The following SAMSN1 variants were observed in gnomAD, a reference collection of about 807,000 sequenced individuals.
SAMSN1 encodes the protein SAM domain, SH3 domain and nuclear localization signals 1.
Under a neutral mutation model 42.0 loss-of-function variants are expected in SAMSN1, and 31 were observed. The ratio of observed to expected loss-of-function variants is 0.74; its 90% CI spans 0.55 to 1.00. The LOEUF (loss-of-function observed/expected upper bound fraction) is 1.00. SAMSN1 is among the 50% of genes least tolerant of loss of function. The probability of loss-of-function intolerance (pLI) is 0.00; values close to 1 mark genes in which losing one functional copy is unlikely to be tolerated. For missense variants in SAMSN1, 464 were observed against 439.4 expected, an observed-to-expected ratio of 1.06 and a Z score of -0.50; for synonymous variants, 178 against 151.9, an observed-to-expected ratio of 1.17 and a Z score of -1.26.
chr21:14,637,465 A>C (rs1209442374), intron 2 of SAMSN1, among the ~76,000 whole-genome samples: 2 of 152,218 alleles, frequency 1.3e-5, no homozygotes, highest in Non-Finnish European at 2.9e-5. Context: ...TAGAATAACT[A>C]AAATGTGTGA....
intron 6 of SAMSN1, 123 bp from the exon 7 acceptor site, chr21:14,498,715 T>C: frequency 1.6e-6 from 1 of 631,522 alleles, no homozygotes; most frequent in South Asian, 2.5e-5. Context: ...GAACTTTTAC[T>C]TAACTTCACT....
chr21:14,603,100 G>T (rs781672334), intron 5 of SAMSN1, among the ~76,000 whole-genome samples: 2 of 152,120 alleles, frequency 1.3e-5, no homozygotes, highest in Non-Finnish European at 2.9e-5. Context: ...TTTGAATCAA[G>T]AATTTATGTC....
At chr21:14,554,379 GA>G (rs1980690674) in intron 2 of SAMSN1, among the ~76,000 whole-genome samples, 1 of 152,090 alleles carries the variant, frequency 6.6e-6, no homozygotes, top group Non-Finnish European at 1.5e-5. Flanking sequence ...GGTGTTGTTG[GA>G]AAAGTGCCTG....
chr21:14,586,995 A>C (rs1441401385), upstream of SAMSN1, among the ~76,000 whole-genome samples: 3 of 152,188 alleles, frequency 2.0e-5, no homozygotes, highest in Admixed American at 6.5e-5. Context: ...GAGCCCAGAG[A>C]ATAACAGAGA....
chr21:14,503,686 T>C (rs1057039109), intron 5 of SAMSN1, among the ~76,000 whole-genome samples: 1 of 152,032 alleles, frequency 6.6e-6, no homozygotes, highest in African/African-American at 2.4e-5. Flanking sequence ...ACTAGACATT[T>C]CCGGGGCATC....
At chr21:14,612,468 G>A in intron 4 of SAMSN1, 1 of 295,252 alleles carries the variant, frequency 3.4e-6, no homozygotes, top group East Asian at 8.2e-5. Context: ...AAGATTTGGT[G>A]TGTGAAATGT....
upstream of SAMSN1, among the ~76,000 whole-genome samples, chr21:14,586,752 G>A (rs7280564): frequency 0.11 from 16,007 of 152,136 alleles, 2,227 homozygotes; most frequent in African/African-American, 0.32. Flanking sequence ...AGGCCTGAAT[G>A]ATGAGAAGGA....
intron 1 of SAMSN1, among the ~76,000 whole-genome samples, chr21:14,532,100 T>C (rs1979304434): frequency 6.6e-6 from 1 of 152,202 alleles, no homozygotes; most frequent in African/African-American, 2.4e-5. Context: ...AATGTTTCCG[T>C]GAGCTTCCCT....
Position 14,515,915 on chromosome 21 carries a change from G to A in SAMSN1, c.279+977C>T, listed in dbSNP as rs140672458. On this transcript the variant is annotated intron_variant, in intron 3 of 7. Coordinates refer to ENST00000400566, the MANE Select transcript of SAMSN1 (RefSeq NM_022136.5). ...GATTCTTGACATTATTAGTCATCAG[G>A]GAAACGTAAAGTACAACCAAATGTA... 3.1e-3 allele frequency among the ~76,000 whole-genome samples: 466 copies of A among 152,212 alleles called. 3 individuals are homozygous for A. Among genetic ancestry groups the A allele is most frequent in the African/African-American group, 0.011 (440 of 41,536 alleles).
intron 3 of SAMSN1, among the ~76,000 whole-genome samples, chr21:14,514,249 C>T (rs1435537701): frequency 2.0e-5 from 3 of 152,136 alleles, no homozygotes; most frequent in East Asian, 1.9e-4. Context: ...GTCAGATTTA[C>T]GTTGCAGTCT....
intron 2 of SAMSN1, among the ~76,000 whole-genome samples, chr21:14,567,023 TGATCC>T (rs1981143339): frequency 6.6e-6 from 1 of 152,180 alleles, no homozygotes; most frequent in Non-Finnish European, 1.5e-5. Context: ...GCATTTTCTT[TGATCC>T]TCTGACAGAG....
At chr21:14,586,229 C>G (rs1981911604), upstream of SAMSN1, among the ~76,000 whole-genome samples, 1 of 134,168 alleles carries the variant, frequency 7.5e-6, no homozygotes, top group Non-Finnish European at 1.5e-5. Flanking sequence ...CACCACTGAA[C>G]TCCAGCCTGG....
intron 2 of SAMSN1, among the ~76,000 whole-genome samples, chr21:14,625,609 C>A (rs1983144859): frequency 6.6e-6 from 1 of 152,220 alleles, no homozygotes; most frequent in Admixed American, 6.5e-5. Flanking sequence ...CTGCAAACCA[C>A]TGCTCAATGA....
chr21:14,589,062 C>T (rs1982007404), intron 7 of SAMSN1, among the ~76,000 whole-genome samples: 1 of 151,992 alleles, frequency 6.6e-6, no homozygotes, highest in Admixed American at 6.6e-5. Context: ...TTAAGTAATA[C>T]AAAAATTTTG....
intron 2 of SAMSN1, among the ~76,000 whole-genome samples, chr21:14,565,095 G>A (rs552484747): frequency 9.9e-5 from 15 of 152,184 alleles, no homozygotes; most frequent in South Asian, 2.1e-4. Context: ...AGGAGTTCAA[G>A]ACCAGCCTGG....
intron 4 of SAMSN1, among the ~76,000 whole-genome samples, chr21:14,510,966 C>T (rs1987664869): frequency 6.6e-6 from 1 of 152,194 alleles, no homozygotes; most frequent in Non-Finnish European, 1.5e-5. Context: ...TTTAAAACTG[C>T]TCCAAATCCT....
chr21:14,512,625 TGTACATTGA>T (rs771968238), intron 3 of SAMSN1, 52 bp from the exon 4 acceptor site: 1 of 1,554,756 alleles, frequency 6.4e-7, no homozygotes, highest in East Asian at 2.2e-5. Context: ...TCCACAGAGA[TGTACATTGA>T]GTACATTGAT....
rs541999637 is a variant in SAMSN1, at chr21:14,488,438, G to A, written c.920-2324C>T. ...TCAGGATATGAAGCAGAGTCTTTAA[G>A]AACTGTAATTTCCAAAATTAGTTCT... is the stretch of plus-strand genomic sequence containing the variant. On this transcript the variant is annotated intron_variant, in intron 7 of 7. Transcript: ENST00000400566. Among the ~76,000 whole-genome samples the A allele has an allele frequency of 2.0e-5, 3 of 152,186 alleles. No individual in the cohort carries two copies. The East Asian group carries it at 5.8e-4, about 29-fold the overall frequency.
At chr21:14,524,477 G>A (rs1600893690) in intron 1 of SAMSN1, among the ~76,000 whole-genome samples, 2 of 152,058 alleles carry the variant, frequency 1.3e-5, no homozygotes, top group Admixed American at 1.3e-4. Flanking sequence ...TACTCTACAC[G>A]AATGTTTCCA....
Sources: allele counts gnomAD v4.1 joint callset (sites outside exome capture counted in the v4.1 genomes callset), GRCh38; gene constraint gnomAD v4.1.1; transcripts MANE v1.5; gene names NCBI Gene and HGNC (gene_info 2026-07-23, HGNC 2026-07-21).